ADRB3: variants seen among roughly 807,000 people sequenced by gnomAD.
ADRB3 encodes the protein beta-3 adrenergic receptor.
Under a neutral mutation model 23.8 loss-of-function variants are expected in ADRB3, and 33 were observed. That is an observed-to-expected ratio of 1.38 (90% CI 1.05 to 1.85). The LOEUF (loss-of-function observed/expected upper bound fraction) is 1.85, where lower values mean the gene tolerates loss of function less well. Among genes scored for constraint, ADRB3 ranks in the 40% most tolerant of loss-of-function variants. The pLI is 0.00. For missense variants in ADRB3, 600 were observed against 579.6 expected (o/e 1.04, Z -0.36); for synonymous variants, 289 against 273.0 (o/e 1.06, Z -0.58).
Position 37,965,442 on chromosome 8 carries a change from G to C in ADRB3, c.1028C>G (p.Pro343Arg). 3 of 1,551,112 alleles carry C rather than the reference G, an allele frequency of 1.9e-6. No individual in the cohort carries two copies. Among genetic ancestry groups the C allele is most frequent in the Non-Finnish European group, 2.6e-6 (3 of 1,147,036 alleles). Residue 343 changes from proline to arginine, a missense_variant, in exon 1 of 2, where the codon CCG becomes CGG. Physicochemically the swap from Pro to Arg is moderately radical, Grantham distance 103. Coordinates refer to ENST00000345060, the MANE Select transcript of ADRB3 (RefSeq NM_000025.3). ...GTCCGGGCTGCGGCAGTAGATGAGC[G>C]GGTTGAAGGCAGAATTGGCATAACC... ...WLGYANSAFN[P>R]LIYCRSPDFR...
At chr8:37,964,989 C>T in intron 1 of ADRB3, 1 of 424,240 alleles carries the variant, frequency 2.4e-6, no homozygotes, top group South Asian at 6.4e-5. Context: ...AGGCGAGAGT[C>T]CTCGGGACAC....
chr8:37,966,116 C>A lies in ADRB3; in HGVS notation c.354G>T (p.Val118=). The change falls in exon 1 of 2, where the codon GTG becomes GTT. Residue 118 remains valine, a synonymous_variant. Transcript: ENST00000345060. ...TGCELWTSVD[V]LCVTASIETL... ...TTTCGATGCTGGCGGTCACACACAG[C>A]ACGTCCACCGAGGTCCACAGCTCGC... is the stretch of plus-strand genomic sequence containing the variant. 6.2e-7 allele frequency: 1 copy of A among 1,611,418 alleles called. No homozygotes were observed. The highest frequency in any genetic ancestry group is 8.5e-7 in the Non-Finnish European group (1 of 1,179,042).
rs1808251914 is a variant in ADRB3, at chr8:37,964,080, G to A, written c.*138C>T. On this transcript the variant is annotated 3_prime_UTR_variant, in exon 2 of 2. Coordinates refer to ENST00000345060, the MANE Select transcript of ADRB3 (RefSeq NM_000025.3). ...ACCCACTTGGTAAGGATCCCTCCTT[G>A]GGTCACATGGCCCAGTCGTCAGGTT... 7 of 702,522 alleles carry A rather than the reference G, an allele frequency of 1.0e-5. No homozygotes were observed. The South Asian group carries it at 1.3e-4, about 13-fold the overall frequency. 43.5% of individuals were successfully genotyped at this position (702,522 alleles called of 1,614,324 possible).
At position 37,966,541 on chromosome 8, in the gene ADRB3, G is replaced by A. The variant is rs1808325687; in HGVS notation, c.-72C>T. 1 of 1,511,330 alleles carries A rather than the reference G, an allele frequency of 6.6e-7. No individual in the cohort carries two copies. Among genetic ancestry groups the A allele is most frequent in the Non-Finnish European group, 8.8e-7 (1 of 1,134,954 alleles). 93.6% of individuals were successfully genotyped at this position (1,511,330 alleles called of 1,614,324 possible). On this transcript the variant is annotated 5_prime_UTR_variant, in exon 1 of 2. Coordinates refer to ENST00000345060, the MANE Select transcript of ADRB3 (RefSeq NM_000025.3). The stretch of plus-strand genomic sequence containing the variant: ...CTCCCAAATCACCTGGCTCAGGGGA[G>A]GGGACAGCAAGGCATGAGAGCGACT...
chr8:37,966,226 C>T lies in ADRB3; in HGVS notation c.244G>A (p.Ala82Thr). ...ACCAGGAGTCCCATCACCAGGTCGG[C>T]TGCGGCCAGCGAAGTCACGAACACG... ...TNVFVTSLAA[A>T]DLVMGLLVVP... Residue 82 changes from alanine (A) to threonine (T), a missense_variant, in exon 1 of 2, where the codon GCC (alanine) becomes ACC (threonine). Ala to Thr is a moderately conservative substitution (Grantham distance 58). Coordinates refer to ENST00000345060, the MANE Select transcript of ADRB3 (RefSeq NM_000025.3). The T allele has an allele frequency of 6.2e-7, 1 of 1,613,374 alleles. No individual in the cohort carries two copies. Among genetic ancestry groups the T allele is most frequent in the East Asian group, 2.2e-5 (1 of 44,842 alleles).
In ADRB3 at chr8:37,966,143, G is replaced by T. The variant is rs777834830; in HGVS notation, c.327C>A (p.Gly109=). Reference sequence around the variant, plus strand: ...CGTCCACCGAGGTCCACAGCTCGCAGCCAGTGGCGCCCAACGGCCAGTGGC... The same window carrying T: ...CGTCCACCGAGGTCCACAGCTCGCATCCAGTGGCGCCCAACGGCCAGTGGC... The part of the protein sequence containing the change: ...LTGHWPLGAT[G]CELWTSVDVL... Residue 109 remains glycine (G), a synonymous_variant, in exon 1 of 2, where the codon GGC becomes GGA. Transcript: ENST00000345060. 2 of 1,610,786 alleles carry T rather than the reference G, an allele frequency of 1.2e-6. No homozygotes were observed. The highest frequency in any genetic ancestry group is 1.7e-5 in the Admixed American group (1 of 59,626).
chr8:37,965,829 T>C lies in ADRB3; in HGVS notation c.641A>G (p.Tyr214Cys), dbSNP rs1193806171. ...GAAGAGCATCACGAGAAGAGGAAGG[T>C]AGAAGGAGACGGAGGAGGACAGCAG... is the stretch of plus-strand genomic sequence containing the variant. ...YVLLSSSVSFYLPLLVMLFVY... is the reference protein window; with the variant it reads ...YVLLSSSVSFCLPLLVMLFVY... The change falls in exon 1 of 2, where the codon TAC becomes TGC. Residue 214 changes from tyrosine to cysteine, a missense_variant. Physicochemically the swap from Tyr to Cys is radical, Grantham distance 194. Transcript: ENST00000345060. The C allele has an allele frequency of 1.3e-6, 2 of 1,552,824 alleles. No homozygotes were observed. The highest frequency in any genetic ancestry group is 8.7e-7 in the Non-Finnish European group (1 of 1,147,592).
intron 1 of ADRB3, among the ~76,000 whole-genome samples, chr8:37,964,557 T>C (rs1368743077): frequency 6.6e-6 from 1 of 150,764 alleles, no homozygotes; most frequent in Non-Finnish European, 1.5e-5. Context: ...GGGGGGGCAC[T>C]AGCCCTGCCT....
Position 37,965,671 on chromosome 8 carries a change from C to CCCT in ADRB3, c.798_799insAGG (p.Cys266_Ala267insArg). 2.6e-6 allele frequency: 4 copies of CCCT among 1,537,720 alleles called. No individual in the cohort carries two copies. Among genetic ancestry groups the CCCT allele is most frequent in the Non-Finnish European group, 3.5e-6 (4 of 1,141,778 alleles). The stretch of plus-strand genomic sequence containing the variant: ...CAGGCGGGCACCCCTTCGGGCGGAG[C>CCCT]GCACGTCCCCACCGGGGCCGGGGCC... On this transcript the variant is annotated inframe_insertion, in exon 1 of 2. Transcript: ENST00000345060.
Position 37,966,290 on chromosome 8 carries a change from C to T in ADRB3, c.180G>A (p.Val60=). 1 of 1,613,768 alleles carries T rather than the reference C, an allele frequency of 6.2e-7. No homozygotes were observed. Among genetic ancestry groups the T allele is most frequent in the African/African-American group, 1.3e-5 (1 of 75,060 alleles). The change falls in exon 1 of 2, where the codon GTG becomes GTA. Residue 60 remains valine (V), a synonymous_variant. Coordinates refer to ENST00000345060, the MANE Select transcript of ADRB3 (RefSeq NM_000025.3). ...ATVGGNLLVI[V]AIAWTPRLQT... ...GGAGTCTCGGAGTCCAGGCGATGGC[C>T]ACGATGACCAGCAGGTTGCCTCCCA...
In ADRB3 at chr8:37,965,640, C is replaced by G; in HGVS notation, c.830G>C (p.Arg277Pro). The change falls in exon 1 of 2, where the codon CGG (arginine) becomes CCG (proline). Residue 277 changes from arginine (R) to proline (P), a missense_variant. Coordinates refer to ENST00000345060, the MANE Select transcript of ADRB3 (RefSeq NM_000025.3). ...APPEGVPACG[R>P]RPARLLPLRE... The stretch of plus-strand genomic sequence containing the variant: ...GAGAGGCAGGAGGCGCGCGGGCCGC[C>G]GGCCGCAGGCGGGCACCCCTTCGGG... 2 of 1,530,704 alleles carry G rather than the reference C, an allele frequency of 1.3e-6. No individual in the cohort carries two copies. Among genetic ancestry groups the G allele is most frequent in the Non-Finnish European group, 1.8e-6 (2 of 1,139,472 alleles). The allele number at this position is 1,530,704 out of a possible 1,614,324, so 94.8% of individuals were successfully genotyped here.
chr8:37,964,944 T>TA lies in ADRB3; in HGVS notation c.1205+320dup, dbSNP rs762791184. ...ACAGAGACGAAACCCTGTCTCTATT[T>TA]AAAAAAAAAAAAAATCCCTAAAGCC... is the stretch of plus-strand genomic sequence containing the variant. On this transcript the variant is annotated intron_variant, in intron 1 of 1. Transcript: ENST00000345060. The TA allele has an allele frequency of 0.087, 21,212 of 243,232 alleles. 633 individuals carry two copies. Among genetic ancestry groups the TA allele is most frequent in the East Asian group, 0.15 (1,846 of 12,326 alleles). The allele number at this position is 243,232 out of a possible 1,614,324, so 15.1% of individuals were successfully genotyped here.
rs201117694 is a variant in ADRB3, at chr8:37,965,752, C to G, written c.718G>C (p.Gly240Arg). The change falls in exon 1 of 2, where the codon GGG (glycine) becomes CGG (arginine). Residue 240 changes from glycine (G) to arginine (R), a missense_variant. Transcript: ENST00000345060. ...VATRQLRLLRGELGRFPPEES... is the reference protein window; with the variant it reads ...VATRQLRLLRRELGRFPPEES... ...TCGGGCGGAAAGCGGCCCAGCTCCC[C>G]GCGCAGCAAGCGCAGCTGGCGCGTA... The G allele has an allele frequency of 7.1e-5, 110 of 1,550,768 alleles. No homozygotes were observed. Among genetic ancestry groups the G allele is most frequent in the Non-Finnish European group, 9.1e-5 (104 of 1,146,774 alleles).
intron 1 of ADRB3, chr8:37,964,879 C>T: frequency 5.3e-6 from 1 of 190,428 alleles, no homozygotes. Context: ...TTCAAGACTG[C>T]AGTGAGCTGA....
intron 1 of ADRB3, 111 bp from the exon 2 acceptor site, chr8:37,964,350 C>A: frequency 3.2e-6 from 3 of 941,554 alleles, no homozygotes; most frequent in Non-Finnish European, 5.0e-6. Context: ...TACACAAAAA[C>A]GCCAGGGCAC....
In ADRB3 at chr8:37,966,539, G is replaced by A. The variant is rs953285140; in HGVS notation, c.-70C>T. 4 of 1,512,864 alleles carry A rather than the reference G, an allele frequency of 2.6e-6. No homozygotes were observed. The highest frequency in any genetic ancestry group is 2.2e-5 in the Admixed American group (1 of 44,684). 93.7% of individuals were successfully genotyped at this position (1,512,864 alleles called of 1,614,324 possible). On this transcript the variant is annotated 5_prime_UTR_variant, in exon 1 of 2. Transcript: ENST00000345060. The stretch of plus-strand genomic sequence containing the variant: ...GTCTCCCAAATCACCTGGCTCAGGG[G>A]AGGGGACAGCAAGGCATGAGAGCGA...
intron 1 of ADRB3, chr8:37,964,943 TTA>T: frequency 1.8e-5 from 5 of 278,678 alleles, no homozygotes; most frequent in Admixed American, 5.5e-5. Flanking sequence ...CTGTCTCTAT[TTA>T]AAAAAAAAAA....
At position 37,966,409 on chromosome 8, in the gene ADRB3, C is replaced by T; in HGVS notation, c.61G>A (p.Ala21Thr). ...LAPWPDLPTL[A>T]PNTANTSGLP... ...CCACTGGTGTTGGCGGTATTGGGCG[C>T]CAGGGTGGGGAGGTCCGGCCATGGG... is the stretch of plus-strand genomic sequence containing the variant. The change falls in exon 1 of 2, where the codon GCG becomes ACG. Residue 21 changes from alanine to threonine, a missense_variant. Ala to Thr is a moderately conservative substitution (Grantham distance 58). Transcript: ENST00000345060. 2 of 1,608,700 alleles carry T rather than the reference C, an allele frequency of 1.2e-6. No homozygotes were observed. Among genetic ancestry groups the T allele is most frequent in the Non-Finnish European group, 1.7e-6 (2 of 1,178,522 alleles).
At chr8:37,964,758 C>A (rs1808263610) in intron 1 of ADRB3, among the ~76,000 whole-genome samples, 1 of 152,142 alleles carries the variant, frequency 6.6e-6, no homozygotes, top group Admixed American at 6.5e-5. Context: ...ATAGCAAGAC[C>A]CCATCTCTAC....
Sources: allele counts gnomAD v4.1 joint callset (sites outside exome capture counted in the v4.1 genomes callset), GRCh38; gene constraint gnomAD v4.1.1; transcripts MANE v1.5; gene names NCBI Gene and HGNC (gene_info 2026-07-23, HGNC 2026-07-21).